Variants in APBA1 observed in about 807,000 individuals in gnomAD.
APBA1 encodes the protein amyloid-beta A4 precursor protein-binding family A member 1.
APBA1 carries 55 observed loss-of-function variants against 86.6 expected under a neutral mutation model. That is an observed-to-expected ratio of 0.64 (90% CI 0.51 to 0.80). The LOEUF is 0.80. Ranked by LOEUF, APBA1 falls within the 30% of genes least tolerant of loss-of-function variation. APBA1 has a pLI of 0.00. For missense variants in APBA1, 1,090 were observed against 1,183.0 expected (o/e 0.92, Z 1.15); for synonymous variants, 511 against 493.9 (o/e 1.03, Z -0.46).
intron 2 of APBA1, among the ~76,000 whole-genome samples, chr9:69,497,469 T>A (rs966184973): frequency 6.6e-6 from 1 of 152,112 alleles, no homozygotes; most frequent in Non-Finnish European, 1.5e-5. Flanking sequence ...GAGGCCACGA[T>A]GAGGCTGCAC....
chr9:69,557,741 T>G (rs1017002002), intron 1 of APBA1, among the ~76,000 whole-genome samples: 1 of 152,232 alleles, frequency 6.6e-6, no homozygotes, highest in African/African-American at 2.4e-5. Context: ...GCTTTCGCCT[T>G]AAGAAGGTGC....
intron 5 of APBA1, 24 bp downstream of exon 5, chr9:69,467,799 G>T (rs753726378): frequency 1.7e-5 from 28 of 1,613,818 alleles, no homozygotes; most frequent in Non-Finnish European, 2.4e-5. Flanking sequence ...CCCTGTCCCT[G>T]TTGGAGCACC....
intron 1 of APBA1, among the ~76,000 whole-genome samples, chr9:69,597,825 C>T (rs1822261764): frequency 6.6e-6 from 1 of 152,156 alleles, no homozygotes; most frequent in Non-Finnish European, 1.5e-5. Flanking sequence ...AACACTTTTA[C>T]ACTGTTGGTG....
At chr9:69,616,695 G>T (rs1822707580) in intron 1 of APBA1, among the ~76,000 whole-genome samples, 1 of 152,236 alleles carries the variant, frequency 6.6e-6, no homozygotes, top group Admixed American at 6.5e-5. Context: ...TAGCTAAAAG[G>T]ATCTTGACAC....
Position 69,482,013 on chromosome 9 carries a change from A to G in APBA1, c.1201-5870T>C, listed in dbSNP as rs1257329755. Among the ~76,000 whole-genome samples the G allele has an allele frequency of 3.7e-3, 566 of 151,172 alleles. 2 individuals are homozygous for G. The highest frequency in any genetic ancestry group is 0.013 in the African/African-American group (541 of 41,180). On this transcript the variant is annotated intron_variant, in intron 2 of 12. Coordinates refer to ENST00000265381, the MANE Select transcript of APBA1 (RefSeq NM_001163.4). ...TTAAACGTTAGACCTAAAACCATAA[A>G]AACCCTAGAAGAAAACCTAGGCATT...
intron 1 of APBA1, among the ~76,000 whole-genome samples, chr9:69,594,981 A>G (rs1343783257): frequency 6.6e-6 from 1 of 152,236 alleles, no homozygotes; most frequent in Non-Finnish European, 1.5e-5. Flanking sequence ...TAAATGAGAA[A>G]TGTGGTATGA....
chr9:69,601,684 C>T (rs1049460750), intron 1 of APBA1, among the ~76,000 whole-genome samples: 6 of 152,188 alleles, frequency 3.9e-5, no homozygotes, highest in African/African-American at 1.4e-4. Flanking sequence ...AAGATTGGAA[C>T]CGAGACTGCC....
At chr9:69,472,701 G>C (rs1211164402) in intron 3 of APBA1, 1 of 152,212 alleles carries the variant, frequency 6.6e-6, no homozygotes, top group Non-Finnish European at 1.5e-5. Flanking sequence ...AATAGCTGTT[G>C]GATAGGCTGA....
chr9:69,649,630 C>T (rs764909174), intron 1 of APBA1, among the ~76,000 whole-genome samples: 2 of 152,198 alleles, frequency 1.3e-5, no homozygotes, highest in Non-Finnish European at 2.9e-5. Context: ...CTGCTCCCAT[C>T]CACCCCCGGG....
chr9:69,597,292 C>G (rs537111708), intron 1 of APBA1, among the ~76,000 whole-genome samples: 116 of 152,250 alleles, frequency 7.6e-4, no homozygotes, highest in African/African-American at 2.7e-3. Context: ...TTTCACGTGT[C>G]TTTTGGCTGC....
chr9:69,573,449 A>G (rs1379318767), intron 1 of APBA1, among the ~76,000 whole-genome samples: 53 of 152,174 alleles, frequency 3.5e-4, no homozygotes, highest in Non-Finnish European at 1.5e-5. Flanking sequence ...GTGACAGAAT[A>G]TGATCCTGTC....
At chr9:69,494,129 G>T (rs564118699) in intron 2 of APBA1, among the ~76,000 whole-genome samples, 37 of 152,166 alleles carry the variant, frequency 2.4e-4, no homozygotes, top group South Asian at 1.7e-3. Context: ...TCACGGCATT[G>T]TAGGGGCATA....
chr9:69,668,166 G>C (rs1231592937), intron 1 of APBA1, among the ~76,000 whole-genome samples: 1 of 151,956 alleles, frequency 6.6e-6, no homozygotes, highest in African/African-American at 2.4e-5. Flanking sequence ...TATGAAAATC[G>C]CTCCTAAGCA....
chr9:69,431,289 G>A lies in APBA1; in HGVS notation c.*38C>T. The A allele has an allele frequency of 2.6e-6, 4 of 1,529,370 alleles. No individual in the cohort carries two copies. Among genetic ancestry groups the A allele is most frequent in the Non-Finnish European group, 3.5e-6 (4 of 1,130,314 alleles). 94.7% of individuals were successfully genotyped at this position (1,529,370 alleles called of 1,614,324 possible). A position where few individuals can be genotyped will look rare whatever the true frequency, so the allele number is the denominator to read the frequency against. On this transcript the variant is annotated 3_prime_UTR_variant, in exon 13 of 13. Coordinates refer to ENST00000265381, the MANE Select transcript of APBA1 (RefSeq NM_001163.4). Reference sequence around the variant, plus strand: ...AGCACGAGAAACACAACCACGAAGAGGAGAGTCCTCCATGCATGCCACCGC... The same window carrying A: ...AGCACGAGAAACACAACCACGAAGAAGAGAGTCCTCCATGCATGCCACCGC...
intron 1 of APBA1, among the ~76,000 whole-genome samples, chr9:69,635,237 AGTT>A (rs1363740451): frequency 6.6e-6 from 1 of 152,196 alleles, no homozygotes; most frequent in Non-Finnish European, 1.5e-5. Context: ...TAAAGCATAC[AGTT>A]GTTATTACTT....
intron 1 of APBA1, among the ~76,000 whole-genome samples, chr9:69,634,211 G>A (rs977955544): frequency 3.9e-5 from 6 of 152,212 alleles, no homozygotes; most frequent in African/African-American, 1.2e-4. Flanking sequence ...GGTGTGGAGA[G>A]AGAATCTGAG....
At chr9:69,621,109 A>G (rs1822808418) in intron 1 of APBA1, among the ~76,000 whole-genome samples, 1 of 152,168 alleles carries the variant, frequency 6.6e-6, no homozygotes, top group African/African-American at 2.4e-5. Context: ...AAAATCAGAG[A>G]TTGGCACAAA....
intron 1 of APBA1, among the ~76,000 whole-genome samples, chr9:69,649,258 C>T (rs982333236): frequency 1.4e-4 from 21 of 152,120 alleles, no homozygotes; most frequent in African/African-American, 5.1e-4. Flanking sequence ...TAGAAAAGCA[C>T]AAATCTGATC....
intron 1 of APBA1, among the ~76,000 whole-genome samples, chr9:69,661,327 A>T (rs1437040985): frequency 6.6e-6 from 1 of 152,170 alleles, no homozygotes; most frequent in East Asian, 1.9e-4. Flanking sequence ...GTTCAATGTC[A>T]TGATGAAGGA....
Sources: allele counts gnomAD v4.1 joint callset (sites outside exome capture counted in the v4.1 genomes callset), GRCh38; gene constraint gnomAD v4.1.1; transcripts MANE v1.5; gene names NCBI Gene and HGNC (gene_info 2026-07-23, HGNC 2026-07-21).